MPRIP: variants seen among roughly 807,000 people sequenced by gnomAD.
The protein encoded by MPRIP is myosin phosphatase Rho interacting protein.
MPRIP carries 59 observed loss-of-function variants against 234.9 expected under a neutral mutation model. The observed-to-expected ratio is 0.25, with a 90% confidence interval of 0.20 to 0.31. The LOEUF (loss-of-function observed/expected upper bound fraction) is 0.31, where lower values mean the gene tolerates loss of function less well. MPRIP is among the 10% of genes least tolerant of loss of function. The pLI, the probability that MPRIP is intolerant of heterozygous loss-of-function variation, is 1.00. For synonymous variants in MPRIP, 1,144 were observed against 1,263.9 expected, an observed-to-expected ratio of 0.91 and a Z score of 2.01; for missense variants, 2,436 against 3,071.0, an observed-to-expected ratio of 0.79 and a Z score of 4.89.
chr17:17,057,628 T>G, intron 1 of MPRIP: 2 of 718,082 alleles, frequency 2.8e-6, no homozygotes, highest in Non-Finnish European at 5.2e-6. Flanking sequence ...CCTTTATTTC[T>G]TTGGCAGCAA....
intron 1 of MPRIP, among the ~76,000 whole-genome samples, chr17:17,044,999 C>A (rs768539664): frequency 6.6e-6 from 1 of 152,144 alleles, no homozygotes; most frequent in Non-Finnish European, 1.5e-5. Flanking sequence ...AGGGCTGTTG[C>A]CAACAGCCTT....
chr17:17,141,091 T>G (rs1012263870), intron 7 of MPRIP, among the ~76,000 whole-genome samples: 41 of 152,244 alleles, frequency 2.7e-4, no homozygotes, highest in African/African-American at 9.1e-4. Flanking sequence ...CCACCACGAC[T>G]CCTCTGTCTG....
At chr17:17,116,099 G>T (rs2090280762) in intron 3 of MPRIP, among the ~76,000 whole-genome samples, 2 of 152,268 alleles carry the variant, frequency 1.3e-5, no homozygotes, top group East Asian at 1.9e-4. Flanking sequence ...ATCTAGCAGG[G>T]TTGGCTTGTT....
intron 7 of MPRIP, chr17:17,141,693 G>C (rs560901878): frequency 6.6e-6 from 1 of 152,362 alleles, no homozygotes; most frequent in East Asian, 1.9e-4. Flanking sequence ...AGGCTTGGGA[G>C]CCCTTCACCC....
intron 14 of MPRIP, among the ~76,000 whole-genome samples, 165 bp downstream of exon 14, chr17:17,159,167 A>C (rs1393945239): frequency 6.6e-6 from 1 of 152,238 alleles, no homozygotes; most frequent in African/African-American, 2.4e-5. Flanking sequence ...TAGTTGAGGC[A>C]GACCTGAGAG....
chr17:17,168,575 A>G, intron 16 of MPRIP: 1 of 343,050 alleles, frequency 2.9e-6, no homozygotes, highest in South Asian at 2.2e-5. Flanking sequence ...GTCCTGGAGC[A>G]CAAAGGCGAA....
At chr17:17,106,664 G>A (rs2090068850) in intron 3 of MPRIP, among the ~76,000 whole-genome samples, 1 of 152,188 alleles carries the variant, frequency 6.6e-6, no homozygotes, top group Admixed American at 6.5e-5. Context: ...CTGGGAGGCA[G>A]GTCAGTCTCA....
chr17:17,078,641 T>C lies in MPRIP; in HGVS notation c.267+565T>C, dbSNP rs569465596. Among the ~76,000 whole-genome samples, 1 of 152,354 alleles carries C rather than the reference T, an allele frequency of 6.6e-6. No individual in the cohort carries two copies. Among genetic ancestry groups the C allele is most frequent in the South Asian group, 2.1e-4 (1 of 4,828 alleles). ...TCTTCCTCCTCCCCACCTCCCTGGT[T>C]TTCCAGTTGCTTCCTGGGCTGGATG... On this transcript the variant is annotated intron_variant, in intron 3 of 23. Transcript: ENST00000651222. The surrounding 1 kb of genome is among the most constrained non-coding windows in gnomAD (Gnocchi z 4.3).
At position 17,166,446 on chromosome 17, in the gene MPRIP, G is replaced by T; in HGVS notation, c.4855G>T (p.Val1619Phe). The change falls in exon 16 of 24, where the codon GTC becomes TTC. Residue 1619 changes from valine (V) to phenylalanine (F), a missense_variant. Val to Phe is a conservative substitution (Grantham distance 50). Coordinates refer to ENST00000651222, the MANE Select transcript of MPRIP (RefSeq NM_001364716.4). This position sits in a 1 kb window ranked among gnomAD's most constrained non-coding sequence, Gnocchi z 4.4. ...GAPVDTWARK[V>F]LVDGEFWSQV... The stretch of plus-strand genomic sequence containing the variant: ...CCCCGTAGACACCTGGGCCAGGAAG[G>T]TCCTAGTGGATGGTGAGTTCTGGAG... The T allele has an allele frequency of 6.9e-6, 9 of 1,304,390 alleles. No individual in the cohort carries two copies. The highest frequency in any genetic ancestry group is 9.1e-6 in the Non-Finnish European group (9 of 988,972). 80.8% of individuals were successfully genotyped at this position (1,304,390 alleles called of 1,614,324 possible).
Position 17,166,528 on chromosome 17 carries a change from C to A in MPRIP, c.4937C>A (p.Ala1646Asp). Residue 1646 changes from alanine (A) to aspartate (D), a missense_variant, in exon 16 of 24, where the codon GCC (alanine) becomes GAC (aspartate). Ala to Asp is a moderately radical substitution (Grantham distance 126, BLOSUM62 -2). This residue lies in a region of MPRIP where 1,998 missense variants were observed against 2,520.3 expected (regional missense o/e 0.79). Coordinates refer to ENST00000651222, the MANE Select transcript of MPRIP (RefSeq NM_001364716.4). The surrounding 1 kb of genome is among the most constrained non-coding windows in gnomAD (Gnocchi z 4.4). The stretch of plus-strand genomic sequence containing the variant: ...ACACTGGGAGGAGAGGCAGTCGGTG[C>A]CTCAGGAGACGGGCAGCAAAGCATC... ...LGTLGGEAVG[A>D]SGDGQQSIPQ... 7.7e-7 allele frequency: 1 copy of A among 1,304,244 alleles called. No individual in the cohort carries two copies. Among genetic ancestry groups the A allele is most frequent in the East Asian group, 5.6e-5 (1 of 18,010 alleles). The allele number at this position is 1,304,244 out of a possible 1,614,324, so 80.8% of individuals were successfully genotyped here. A position where few individuals can be genotyped will look rare whatever the true frequency, so the allele number is the denominator to read the frequency against.
chr17:17,090,166 G>A (rs923153112), intron 3 of MPRIP, among the ~76,000 whole-genome samples: 1 of 152,186 alleles, frequency 6.6e-6, no homozygotes, highest in African/African-American at 2.4e-5. Context: ...GGGGCACGAA[G>A]GTGAAGGAAC....
Position 17,132,265 on chromosome 17 carries a change from G to C in MPRIP, c.504+564G>C, listed in dbSNP as rs920325931. Among the ~76,000 whole-genome samples, 6 of 152,308 alleles carry C rather than the reference G, an allele frequency of 3.9e-5. No homozygotes were observed. In the South Asian group the frequency reaches 1.2e-3, roughly 32 times the overall value. ...GTGTGCAAGGCTTAGGGCATAGAAG[G>C]GTCCTACACCGCCTTACCACACTCC... On this transcript the variant is annotated intron_variant, in intron 5 of 23. Coordinates refer to ENST00000651222, the MANE Select transcript of MPRIP (RefSeq NM_001364716.4).
chr17:17,090,921 G>A (rs774607132), intron 3 of MPRIP, among the ~76,000 whole-genome samples: 9 of 152,032 alleles, frequency 5.9e-5, no homozygotes, highest in Non-Finnish European at 1.2e-4. Flanking sequence ...TGAAGATCTC[G>A]GCTATGCCAG....
At chr17:17,133,551 C>A (rs2090638157) in intron 5 of MPRIP, among the ~76,000 whole-genome samples, 1 of 152,226 alleles carries the variant, frequency 6.6e-6, no homozygotes, top group South Asian at 2.1e-4. Context: ...CCCTATATTT[C>A]TTTCTCCATG....
intron 16 of MPRIP, chr17:17,168,475 G>A (rs1481877009): frequency 7.2e-6 from 2 of 276,150 alleles, no homozygotes; most frequent in South Asian, 7.3e-5. Context: ...ACTTTCCCAC[G>A]GAGCACAGCC....
At chr17:17,158,297 G>C (rs1597478179) in intron 13 of MPRIP, 135 bp from the exon 14 acceptor site, 3 of 686,854 alleles carry the variant, frequency 4.4e-6, no homozygotes, top group East Asian at 2.9e-5. Context: ...CCTGCACTTA[G>C]GAAGCTGGGA....
intron 1 of MPRIP, among the ~76,000 whole-genome samples, chr17:17,060,004 C>T (rs2143917431): frequency 6.6e-6 from 1 of 152,314 alleles, no homozygotes; most frequent in Non-Finnish European, 1.5e-5. Flanking sequence ...CCAGCTTTTC[C>T]TGGGGTGGGT....
intron 15 of MPRIP, among the ~76,000 whole-genome samples, chr17:17,163,146 C>A (rs1187555946): frequency 6.6e-6 from 1 of 152,172 alleles, no homozygotes; most frequent in Non-Finnish European, 1.5e-5. Flanking sequence ...GAGCCAGCTA[C>A]TGGGGTGGGT....
chr17:17,079,889 C>A (rs1005594095), intron 3 of MPRIP, among the ~76,000 whole-genome samples: 7 of 152,188 alleles, frequency 4.6e-5, no homozygotes, highest in African/African-American at 1.7e-4. Flanking sequence ...TAATTGAGGC[C>A]GCTTAGCCAG....
Sources: gnomAD v4.1 joint callset for allele counts (sites outside exome capture counted in the v4.1 genomes callset) on GRCh38, gnomAD v4.1.1 for gene constraint, gnomAD v4.1.1 regional missense constraint, Gnocchi (gnomAD v3.1) non-coding constraint, MANE v1.5 for transcripts, NCBI Gene and HGNC (gene_info 2026-07-23, HGNC 2026-07-21) for gene names.